MAN1C1: variants seen among roughly 807,000 people sequenced by gnomAD.
MAN1C1 encodes mannosyl-oligosaccharide 1,2-alpha-mannosidase IC.
MAN1C1 carries 49 observed loss-of-function variants against 71.5 expected under a neutral mutation model. The observed-to-expected ratio is 0.69, with a 90% CI of 0.54 to 0.87. The LOEUF (loss-of-function observed/expected upper bound fraction) is 0.87, where lower values mean the gene tolerates loss of function less well. Among genes scored for constraint, MAN1C1 ranks in the 40% least tolerant of loss-of-function variants. The pLI is 0.00. For synonymous variants in MAN1C1, 352 were observed against 343.7 expected (o/e 1.02, Z -0.27); for missense variants, 743 against 835.0 (o/e 0.89, Z 1.36).
intron 1 of MAN1C1, among the ~76,000 whole-genome samples, chr1:25,621,600 TTTG>T (rs1237994844): frequency 5.9e-5 from 9 of 152,038 alleles, no homozygotes; most frequent in South Asian, 2.1e-4. Flanking sequence ...TGGTTGTGTT[TTTG>T]TTGTTGTTGT....
At chr1:25,722,726 C>T (rs1383911107) in intron 2 of MAN1C1, among the ~76,000 whole-genome samples, 2 of 152,166 alleles carry the variant, frequency 1.3e-5, no homozygotes, top group Non-Finnish European at 2.9e-5. Context: ...GTCCATCTCT[C>T]GTGTTAGGTT....
At chr1:25,647,736 G>T (rs572355489) in intron 1 of MAN1C1, among the ~76,000 whole-genome samples, 4 of 152,310 alleles carry the variant, frequency 2.6e-5, no homozygotes, top group African/African-American at 9.6e-5. Flanking sequence ...GCCAAGGTCT[G>T]GTTTGGGTGG....
intron 5 of MAN1C1, 70 bp from the exon 6 acceptor site, chr1:25,758,522 G>T: frequency 1.4e-6 from 2 of 1,380,628 alleles, no homozygotes; most frequent in Non-Finnish European, 2.1e-6. Flanking sequence ...CCGAGCAGCT[G>T]CTGTTACTGT....
chr1:25,770,623 G>A (rs944717691), intron 7 of MAN1C1, among the ~76,000 whole-genome samples: 5 of 152,194 alleles, frequency 3.3e-5, no homozygotes, highest in Admixed American at 3.3e-4. Context: ...GGGTGCCCAG[G>A]AAGATTAAGT....
At chr1:25,707,931 C>T (rs1181341308) in intron 2 of MAN1C1, among the ~76,000 whole-genome samples, 3 of 152,154 alleles carry the variant, frequency 2.0e-5, no homozygotes, top group African/African-American at 7.2e-5. Flanking sequence ...GGGATGGACC[C>T]CCAGGATGGA....
chr1:25,713,595 G>A (rs1296767121), intron 2 of MAN1C1, among the ~76,000 whole-genome samples: 1 of 152,198 alleles, frequency 6.6e-6, no homozygotes, highest in Non-Finnish European at 1.5e-5. Flanking sequence ...GTGTTTGGAT[G>A]CTGCTGTCTA....
chr1:25,718,299 C>T (rs929189925), intron 2 of MAN1C1, among the ~76,000 whole-genome samples: 7 of 152,184 alleles, frequency 4.6e-5, no homozygotes, highest in African/African-American at 1.2e-4. Context: ...TTAGGTGGTA[C>T]GTCAGCTTCA....
At chr1:25,695,561 G>A (rs1357500313) in intron 2 of MAN1C1, among the ~76,000 whole-genome samples, 2 of 152,124 alleles carry the variant, frequency 1.3e-5, no homozygotes, top group African/African-American at 4.8e-5. Flanking sequence ...AGCACGCCTC[G>A]AAATTAGCTT....
rs2047513375 is a variant in MAN1C1 at position 25,769,294 on chromosome 1, T to C, written c.1142-2363T>C. 6.8e-6 allele frequency among the ~76,000 whole-genome samples: 1 copy of C among 147,652 alleles called. No homozygotes were observed. The highest frequency in any genetic ancestry group is 1.5e-5 in the Non-Finnish European group (1 of 66,832). On this transcript the variant is annotated intron_variant, in intron 7 of 11. Transcript: ENST00000374332. This position sits in a 1 kb window ranked among gnomAD's most constrained non-coding sequence, Gnocchi z 4.8. ...CCCTACACACACATCCACACACCCA[T>C]ACCCCTCAGCACACACACACGCCCC...
At chr1:25,661,180 G>A (rs1281204435) in intron 1 of MAN1C1, among the ~76,000 whole-genome samples, 1 of 152,152 alleles carries the variant, frequency 6.6e-6, no homozygotes, top group Non-Finnish European at 1.5e-5. Context: ...TTGTTAAACC[G>A]CACACTGCTG....
At chr1:25,665,464 C>G (rs890847925) in intron 1 of MAN1C1, among the ~76,000 whole-genome samples, 7 of 152,212 alleles carry the variant, frequency 4.6e-5, no homozygotes, top group South Asian at 4.2e-4. Context: ...GCAATATTCC[C>G]CAGTAGCAAG....
chr1:25,743,282 C>A (rs1403345934), intron 2 of MAN1C1, among the ~76,000 whole-genome samples: 1 of 152,222 alleles, frequency 6.6e-6, no homozygotes, highest in Non-Finnish European at 1.5e-5. Context: ...GGCTTCAGAA[C>A]TGGAACAGGA....
intron 1 of MAN1C1, among the ~76,000 whole-genome samples, chr1:25,663,714 A>G (rs1057488985): frequency 2.6e-5 from 4 of 152,128 alleles, no homozygotes; most frequent in Non-Finnish European, 4.4e-5. Context: ...TGGGTTTGCC[A>G]TGGCCTACAT....
chr1:25,732,530 C>T (rs2046922761), intron 2 of MAN1C1, among the ~76,000 whole-genome samples: 2 of 152,236 alleles, frequency 1.3e-5, no homozygotes, highest in African/African-American at 4.8e-5. Context: ...GTGCGCTCAG[C>T]AACATGGTGT....
At chr1:25,743,084 G>A (rs1017161648) in intron 2 of MAN1C1, among the ~76,000 whole-genome samples, 8 of 152,254 alleles carry the variant, frequency 5.3e-5, no homozygotes. Flanking sequence ...TCAGGAACCT[G>A]CAGTGGCTCC....
In MAN1C1 at chr1:25,755,697, C is replaced by G. The variant is rs1433674083; in HGVS notation, c.929+2119C>G. On this transcript the variant is annotated intron_variant, in intron 5 of 11. Transcript: ENST00000374332. ...TGAGGTCACACAGCAGCAAAGCAAA[C>G]TTAATTAGAATCCAGGTCTGTCTAC... Among the ~76,000 whole-genome samples, 3 of 152,154 alleles carry G rather than the reference C, an allele frequency of 2.0e-5. No individual in the cohort carries two copies. In the East Asian group the frequency reaches 5.8e-4, roughly 29 times the overall value.
intron 1 of MAN1C1, among the ~76,000 whole-genome samples, chr1:25,647,802 G>GAC (rs2045636607): frequency 2.6e-5 from 4 of 152,182 alleles, no homozygotes; most frequent in African/African-American, 9.7e-5. Flanking sequence ...GATGGAATGG[G>GAC]ATATGTGTGA....
At chr1:25,712,821 C>T (rs1354860131) in intron 2 of MAN1C1, among the ~76,000 whole-genome samples, 1 of 152,202 alleles carries the variant, frequency 6.6e-6, no homozygotes, top group African/African-American at 2.4e-5. Flanking sequence ...CCCTGCAGAT[C>T]TGTGGATTCC....
At chr1:25,781,475 T>G (rs1339679365) in intron 10 of MAN1C1, among the ~76,000 whole-genome samples, 1 of 152,138 alleles carries the variant, frequency 6.6e-6, no homozygotes, top group Non-Finnish European at 1.5e-5. Flanking sequence ...ATCTCGAAGC[T>G]GGGCAGCTCA....
Sources: gnomAD v4.1 joint callset for allele counts (sites outside exome capture counted in the v4.1 genomes callset) on GRCh38, gnomAD v4.1.1 for gene constraint, Gnocchi (gnomAD v3.1) non-coding constraint, MANE v1.5 for transcripts, NCBI Gene and HGNC (gene_info 2026-07-23, HGNC 2026-07-21) for gene names.